IRS2: variants seen among roughly 807,000 people sequenced by gnomAD.
IRS2 encodes the protein insulin receptor substrate 2.
Under a neutral mutation model 70.9 loss-of-function variants are expected in IRS2, and 28 were observed. The observed-to-expected ratio is 0.39, with a 90% confidence interval of 0.29 to 0.54. IRS2 has a LOEUF of 0.54. IRS2 is among the 20% of genes least tolerant of loss of function. The pLI, the probability that IRS2 is intolerant of heterozygous loss-of-function variation, is 0.59. For missense variants in IRS2, 2,081 were observed against 2,024.1 expected, an observed-to-expected ratio of 1.03 and a Z score of -0.54; for synonymous variants, 1,217 against 981.9, an observed-to-expected ratio of 1.24 and a Z score of -4.48.
rs1174414481 is a variant in IRS2 at position 109,782,147 on chromosome 13, C to T, written c.3907G>A (p.Gly1303Ser). The change falls in exon 1 of 2, where the codon GGC becomes AGC. Residue 1303 changes from glycine to serine, a missense_variant. By Grantham distance (56) the Gly-to-Ser change is moderately conservative (BLOSUM62 0). Transcript: ENST00000375856. ...GGACCCGGCCCCCCGCACCCGCCGC[C>T]GGTGCTGCCGACGCCCACAGCGCTG... ...LISAVGVGST[G>S]GGCGGPGPGA... is the part of the protein sequence containing the mutation. The T allele has an allele frequency of 6.2e-7, 1 of 1,606,958 alleles. No homozygotes were observed. Among genetic ancestry groups the T allele is most frequent in the Non-Finnish European group, 8.5e-7 (1 of 1,177,296 alleles).
At chr13:109,781,295 C>G (rs1428724463) in intron 1 of IRS2, among the ~76,000 whole-genome samples, 1 of 152,094 alleles carries the variant, frequency 6.6e-6, no homozygotes, top group Non-Finnish European at 1.5e-5. Context: ...GGGCCGCGCC[C>G]CAAAGCTACA....
At chr13:109,772,904 C>T (rs187429885) in intron 1 of IRS2, among the ~76,000 whole-genome samples, 109 of 151,872 alleles carry the variant, frequency 7.2e-4, no homozygotes, top group Non-Finnish European at 1.1e-3. Flanking sequence ...ACCTTGTTAG[C>T]CAGGATGGTC....
chr13:109,778,437 A>G (rs1740151268), intron 1 of IRS2, among the ~76,000 whole-genome samples: 1 of 152,240 alleles, frequency 6.6e-6, no homozygotes, highest in African/African-American at 2.4e-5. Flanking sequence ...TGTTTTCATT[A>G]GCACCTTAGT....
chr13:109,755,923 C>A lies in IRS2; in HGVS notation c.*381G>T. On this transcript the variant is annotated 3_prime_UTR_variant, in exon 2 of 2. Coordinates refer to ENST00000375856, the MANE Select transcript of IRS2 (RefSeq NM_003749.3). ...ACTTCCATAGGTACGGGTGCACTCT[C>A]CTAGCATGCTGAGGGTTATATCTGC... 2.9e-6 allele frequency: 1 copy of A among 344,108 alleles called. No homozygotes were observed. The highest frequency in any genetic ancestry group is 5.5e-6 in the Non-Finnish European group (1 of 183,202). 21.3% of individuals were successfully genotyped at this position (344,108 alleles called of 1,614,324 possible). A position where few individuals can be genotyped will look rare whatever the true frequency, so the allele number is the denominator to read the frequency against.
rs1877894694 is a variant in IRS2 at position 109,785,569 on chromosome 13, G to C, written c.485C>G (p.Ser162Cys). 1.5e-6 allele frequency: 2 copies of C among 1,315,820 alleles called. No homozygotes were observed. Among genetic ancestry groups the C allele is most frequent in the Non-Finnish European group, 1.9e-6 (2 of 1,034,556 alleles). 81.5% of individuals were successfully genotyped at this position (1,315,820 alleles called of 1,614,324 possible). ...DAPPAAAPAASCSASLPGALG... is the reference protein window; with the variant it reads ...DAPPAAAPAACCSASLPGALG... ...GGCGCCGGGCAGGGAGGCGCTGCAG[G>C]ACGCGGCGGGCGCGGCGGCGGGGGG... The change falls in exon 1 of 2, where the codon TCC (serine) becomes TGC (cysteine). Residue 162 changes from serine to cysteine, a missense_variant. Ser to Cys is a moderately radical substitution (Grantham distance 112). Around this residue, in one of 4 missense-constraint regions of IRS2, gnomAD observed 320 missense variants for 352.9 expected, o/e 0.91. Coordinates refer to ENST00000375856, the MANE Select transcript of IRS2 (RefSeq NM_003749.3). This position sits in a 1 kb window ranked among gnomAD's most constrained non-coding sequence, Gnocchi z 9.3.
chr13:109,763,170 C>A (rs534402457), intron 1 of IRS2, among the ~76,000 whole-genome samples: 5 of 152,292 alleles, frequency 3.3e-5, no homozygotes, highest in African/African-American at 1.2e-4. Context: ...GCAACCTTTA[C>A]TAAGGAAGAC....
chr13:109,752,848 C>T lies in IRS2; in HGVS notation c.*3456G>A, dbSNP rs1877014315. 1 of 152,104 alleles carries T rather than the reference C, an allele frequency of 6.6e-6. No homozygotes were observed. The allele number at this position is 152,104 out of a possible 1,614,324, so 9.4% of individuals were successfully genotyped here. A position where few individuals can be genotyped will look rare whatever the true frequency, so the allele number is the denominator to read the frequency against. ...ATTCACAGCATCAATTTTCTATTTT[C>T]TGCTTCCTGAATTGCATTTTCCTGG... On this transcript the variant is annotated 3_prime_UTR_variant, in exon 2 of 2. Transcript: ENST00000375856.
At chr13:109,774,308 G>C (rs1417491125) in intron 1 of IRS2, among the ~76,000 whole-genome samples, 2 of 152,094 alleles carry the variant, frequency 1.3e-5, no homozygotes, top group Non-Finnish European at 2.9e-5. Flanking sequence ...CAACTTGATG[G>C]TCAACTTTAA....
At position 109,783,527 on chromosome 13, in the gene IRS2, C is replaced by T; in HGVS notation, c.2527G>A (p.Ala843Thr). The T allele has an allele frequency of 1.3e-6, 2 of 1,548,874 alleles. No homozygotes were observed. The highest frequency in any genetic ancestry group is 1.7e-6 in the Non-Finnish European group (2 of 1,146,598). ...GCCGCCTGGCTGGGCCCTGGCGTGG[C>T]CTGAGGCTCCAGACGCTCCTCCTCC... The part of the protein sequence containing the change: ...ILEEERLEPQ[A>T]TPGPSQAASA... The change falls in exon 1 of 2, where the codon GCC (alanine) becomes ACC (threonine). Residue 843 changes from alanine to threonine, a missense_variant. Transcript: ENST00000375856.
chr13:109,785,965 C>T lies in IRS2; in HGVS notation c.89G>A (p.Ser30Asn). The T allele has an allele frequency of 6.7e-7, 1 of 1,496,836 alleles. No individual in the cohort carries two copies. The highest frequency in any genetic ancestry group is 1.4e-5 in the African/African-American group (1 of 69,180). The allele number at this position is 1,496,836 out of a possible 1,614,324, so 92.7% of individuals were successfully genotyped here. Residue 30 changes from serine to asparagine, a missense_variant, in exon 1 of 2, where the codon AGC becomes AAC. By Grantham distance (46) the Ser-to-Asn change is conservative. This residue lies in a region of IRS2 where 320 missense variants were observed against 352.9 expected (regional missense o/e 0.91). Coordinates refer to ENST00000375856, the MANE Select transcript of IRS2 (RefSeq NM_003749.3). This position sits in a 1 kb window ranked among gnomAD's most constrained non-coding sequence, Gnocchi z 9.3. ...LNNNNNNNNH[S>N]VRKCGYLRKQ... is the part of the protein sequence containing the mutation. ...GCGCAGGTAGCCGCACTTGCGCACG[C>T]TGTGGTTGTTGTTGTTGTTGTTGTT...
Position 109,785,238 on chromosome 13 carries a change from C to T in IRS2, c.816G>A (p.Met272Ile), listed in dbSNP as rs2138937832. ...GCGCCACCACCGAGTCGTCCGCCTGCATCCACAGCTCGCCGGGGCCTGTGA... is the reference window on the plus strand; with the variant it reads ...GCGCCACCACCGAGTCGTCCGCCTGTATCCACAGCTCGCCGGGGCCTGTGA... ...SAVTGPGELW[M>I]QADDSVVAQN... The change falls in exon 1 of 2, where the codon ATG (methionine) becomes ATA (isoleucine). Residue 272 changes from methionine to isoleucine, a missense_variant. By Grantham distance (10) the Met-to-Ile change is conservative. Around this residue, in one of 4 missense-constraint regions of IRS2, gnomAD observed 35 missense variants for 78.6 expected, o/e 0.45. Transcript: ENST00000375856. The surrounding 1 kb of genome is among the most constrained non-coding windows in gnomAD (Gnocchi z 9.3). The T allele has an allele frequency of 6.2e-7, 1 of 1,606,858 alleles. No individual in the cohort carries two copies. Among genetic ancestry groups the T allele is most frequent in the Non-Finnish European group, 8.5e-7 (1 of 1,177,518 alleles).
In IRS2 at chr13:109,785,904, C is replaced by G. The variant is rs1877908366; in HGVS notation, c.150G>C (p.Leu50=). ...CGTCGCCGCCCGCGCCGGGTCCGCG[C>G]AGCACGAAGAAGCGCTTGTGGCCAT... The part of the protein sequence containing the change: ...QKHGHKRFFV[L]RGPGAGGDEA... The change falls in exon 1 of 2, where the codon CTG becomes CTC. Residue 50 remains leucine (L), a synonymous_variant. Coordinates refer to ENST00000375856, the MANE Select transcript of IRS2 (RefSeq NM_003749.3). This position sits in a 1 kb window ranked among gnomAD's most constrained non-coding sequence, Gnocchi z 9.3. 1 of 1,494,732 alleles carries G rather than the reference C, an allele frequency of 6.7e-7. No homozygotes were observed. Among genetic ancestry groups the G allele is most frequent in the Non-Finnish European group, 8.9e-7 (1 of 1,129,652 alleles). The allele number at this position is 1,494,732 out of a possible 1,614,324, so 92.6% of individuals were successfully genotyped here.
In IRS2 at chr13:109,785,072, G is replaced by A. The variant is rs908605421; in HGVS notation, c.982C>T (p.Leu328=). The change falls in exon 1 of 2, where the codon CTG becomes TTG. Residue 328 remains leucine (L), a synonymous_variant. Transcript: ENST00000375856. The surrounding 1 kb of genome is among the most constrained non-coding windows in gnomAD (Gnocchi z 9.3). Reference sequence around the variant, plus strand: ...GTCTGGCTGGGGGGCAGGTTGACCAGGTGGTGGTGGCGGCGCGCGCCGGGG... The same window carrying A: ...GTCTGGCTGGGGGGCAGGTTGACCAAGTGGTGGTGGCGGCGCGCGCCGGGG... ...SVPGARRHHH[L]VNLPPSQTGL... is the part of the protein sequence containing the mutation. 5 of 1,574,536 alleles carry A rather than the reference G, an allele frequency of 3.2e-6. No homozygotes were observed. In the African/African-American group the frequency reaches 5.4e-5, roughly 17 times the overall value.
rs1474553568 is a variant in IRS2 at position 109,783,612 on chromosome 13, G to A, written c.2442C>T (p.Tyr814=). ...SSLPRSYKAP[Y]TCGGDSDQYV... Reference sequence around the variant, plus strand: ...ACTGGTCGCTGTCCCCGCCACAGGTGTAGGGGGCCTTGTAGGAGCGGGGCA... The same window carrying A: ...ACTGGTCGCTGTCCCCGCCACAGGTATAGGGGGCCTTGTAGGAGCGGGGCA... Residue 814 remains tyrosine (Y), a synonymous_variant, in exon 1 of 2, where the codon TAC becomes TAT. Transcript: ENST00000375856. The A allele has an allele frequency of 1.3e-6, 2 of 1,549,484 alleles. No individual in the cohort carries two copies. Among genetic ancestry groups the A allele is most frequent in the Non-Finnish European group, 1.7e-6 (2 of 1,145,352 alleles).
In IRS2 at chr13:109,754,230, G is replaced by A. The variant is rs1877055045; in HGVS notation, c.*2074C>T. ...CATTTATACATTTTGGTTCCATTCTGTAAACTAAATTAAAAATGTAAATAT... is the reference window on the plus strand; with the variant it reads ...CATTTATACATTTTGGTTCCATTCTATAAACTAAATTAAAAATGTAAATAT... On this transcript the variant is annotated 3_prime_UTR_variant, in exon 2 of 2. Coordinates refer to ENST00000375856, the MANE Select transcript of IRS2 (RefSeq NM_003749.3). 4.3e-6 allele frequency: 1 copy of A among 230,884 alleles called. No homozygotes were observed. Among genetic ancestry groups the A allele is most frequent in the South Asian group, 1.8e-4 (1 of 5,502 alleles). 14.3% of individuals were successfully genotyped at this position (230,884 alleles called of 1,614,324 possible).
At chr13:109,772,096 C>T (rs1308517486) in intron 1 of IRS2, among the ~76,000 whole-genome samples, 1 of 152,242 alleles carries the variant, frequency 6.6e-6, no homozygotes, top group African/African-American at 2.4e-5. Context: ...ACCCGGCATG[C>T]GCTGGGCCCA....
Position 109,782,089 on chromosome 13 carries a change from C to G in IRS2, c.3965G>C (p.Ser1322Thr). The part of the protein sequence containing the change: ...GALPPANTYA[S>T]IDFLSHHLKE... ...CAAGTGGTGGGACAAGAAGTCAATG[C>G]TGGCGTAGGTGTTGGCAGGGGGCAG... is the stretch of plus-strand genomic sequence containing the variant. The change falls in exon 1 of 2, where the codon AGC (serine) becomes ACC (threonine). Residue 1322 changes from serine to threonine, a missense_variant. Around this residue, in one of 4 missense-constraint regions of IRS2, gnomAD observed 1,615 missense variants for 1,459.5 expected, o/e 1.11. Coordinates refer to ENST00000375856, the MANE Select transcript of IRS2 (RefSeq NM_003749.3). 1 of 1,612,472 alleles carries G rather than the reference C, an allele frequency of 6.2e-7. No individual in the cohort carries two copies. The highest frequency in any genetic ancestry group is 8.5e-7 in the Non-Finnish European group (1 of 1,179,866).
rs1406140166 is a variant in IRS2 at position 109,753,252 on chromosome 13, C to G, written c.*3052G>C. The G allele has an allele frequency of 6.6e-6, 1 of 152,400 alleles. No homozygotes were observed. The highest frequency in any genetic ancestry group is 2.4e-5 in the African/African-American group (1 of 41,442). The allele number at this position is 152,400 out of a possible 1,614,324, so 9.4% of individuals were successfully genotyped here. ...CTGGGATTACAGGTGTGAGCCACCA[C>G]GCCCGGCCGGAGGAAGCATTCTTAA... On this transcript the variant is annotated 3_prime_UTR_variant, in exon 2 of 2. Coordinates refer to ENST00000375856, the MANE Select transcript of IRS2 (RefSeq NM_003749.3).
rs1296420339 is a variant in IRS2, at chr13:109,783,681, G to A, written c.2373C>T (p.Gly791=). ...CGGGAACGCCCCTGAGCGGCTCCCC[G>A]CCGGGGTGCAGGGCTGCGGAGAAGA... ...PDFFSAALHP[G]GEPLRGVPGC... is the part of the protein sequence containing the mutation. The change falls in exon 1 of 2, where the codon GGC becomes GGT. Residue 791 remains glycine, a synonymous_variant. Transcript: ENST00000375856. 2 of 1,559,252 alleles carry A rather than the reference G, an allele frequency of 1.3e-6. No individual in the cohort carries two copies. The highest frequency in any genetic ancestry group is 2.4e-5 in the East Asian group (1 of 41,664).
Sources: gnomAD v4.1 joint callset for allele counts (sites outside exome capture counted in the v4.1 genomes callset) on GRCh38, gnomAD v4.1.1 for gene constraint, gnomAD v4.1.1 regional missense constraint, Gnocchi (gnomAD v3.1) non-coding constraint, MANE v1.5 for transcripts, NCBI Gene and HGNC (gene_info 2026-07-23, HGNC 2026-07-21) for gene names.